Variants in DNAAF11 observed in about 807,000 individuals in gnomAD.
The protein encoded by DNAAF11 is dynein axonemal assembly factor 11, also known as leucine rich repeat containing 6.
DNAAF11 carries 45 observed loss-of-function variants against 60.8 expected under a neutral mutation model. The ratio of observed to expected loss-of-function variants is 0.74; its 90% CI spans 0.58 to 0.95. The LOEUF (loss-of-function observed/expected upper bound fraction) is 0.95, where lower values mean the gene tolerates loss of function less well. DNAAF11 is among the 40% of genes least tolerant of loss of function. The pLI is 0.00. For synonymous variants in DNAAF11, 191 were observed against 183.5 expected (o/e 1.04, Z -0.33); for missense variants, 546 against 546.2 (o/e 1.00, Z 0.00).
At chr8:132,575,291 T>C (rs963351605) in intron 11 of DNAAF11, among the ~76,000 whole-genome samples, 1 of 152,150 alleles carries the variant, frequency 6.6e-6, no homozygotes, top group Non-Finnish European at 1.5e-5. Context: ...AGTTCATCCA[T>C]GTAAAGGACG....
chr8:132,666,587 G>A (rs921188470), intron 1 of DNAAF11, among the ~76,000 whole-genome samples: 2 of 152,130 alleles, frequency 1.3e-5, no homozygotes, highest in South Asian at 2.1e-4. Flanking sequence ...ACCCAGCTGC[G>A]GCTTCAGAAG....
intron 1 of DNAAF11, among the ~76,000 whole-genome samples, chr8:132,673,118 T>C (rs1186317534): frequency 6.6e-6 from 1 of 152,132 alleles, no homozygotes; most frequent in African/African-American, 2.4e-5. Context: ...AGAGGACCAC[T>C]TTCTCCACCC....
chr8:132,641,670 G>C (rs1378528521), intron 3 of DNAAF11, among the ~76,000 whole-genome samples: 5 of 152,208 alleles, frequency 3.3e-5, no homozygotes, highest in Admixed American at 3.3e-4. Context: ...CAACTTTAAA[G>C]ATAATTGAGC....
intron 10 of DNAAF11, among the ~76,000 whole-genome samples, chr8:132,591,050 T>TA (rs1251784524): frequency 6.6e-6 from 1 of 152,220 alleles, no homozygotes; most frequent in African/African-American, 2.4e-5. Context: ...CCCATGTACA[T>TA]AAATTGTATA....
intron 5 of DNAAF11, 148 bp from the exon 6 acceptor site, chr8:132,625,602 C>G: frequency 1.6e-6 from 1 of 625,490 alleles, no homozygotes; most frequent in East Asian, 2.8e-5. Context: ...TTTAACCAGG[C>G]CTGGTTACCC....
the DNAAF11 span, among the ~76,000 whole-genome samples, chr8:132,680,806 G>A: frequency 6.7e-6 from 1 of 149,778 alleles, no homozygotes; most frequent in East Asian, 2.0e-4. Context: ...CCATCAGCAT[G>A]TATTTATTGA....
chr8:132,658,792 T>C (rs1490402745), intron 2 of DNAAF11, among the ~76,000 whole-genome samples: 2 of 152,176 alleles, frequency 1.3e-5, no homozygotes, highest in South Asian at 2.1e-4. Context: ...AGGAGTCATA[T>C]GATAGAAAAG....
chr8:132,581,424 C>T (rs1163054133), intron 11 of DNAAF11, among the ~76,000 whole-genome samples: 14 of 151,988 alleles, frequency 9.2e-5, no homozygotes, highest in African/African-American at 1.7e-4. Flanking sequence ...CCAAGGCAGG[C>T]GGATCACAGG....
At chr8:132,577,275 A>T (rs967417485) in intron 11 of DNAAF11, among the ~76,000 whole-genome samples, 5 of 152,198 alleles carry the variant, frequency 3.3e-5, no homozygotes, top group Non-Finnish European at 5.9e-5. Flanking sequence ...GAATACAAAG[A>T]TGCTAACCTG....
intron 5 of DNAAF11, among the ~76,000 whole-genome samples, chr8:132,627,391 AAAC>A (rs946330783): frequency 2.6e-5 from 4 of 152,180 alleles, no homozygotes; most frequent in Non-Finnish European, 4.4e-5. Context: ...CTGGTTGATG[AAAC>A]AGAGTGAGCT....
chr8:132,644,375 G>A (rs550321798), intron 3 of DNAAF11, among the ~76,000 whole-genome samples: 7 of 152,304 alleles, frequency 4.6e-5, no homozygotes, highest in Admixed American at 2.6e-4. Context: ...GAGGTTTCAA[G>A]ACGGCCAAAT....
intron 11 of DNAAF11, among the ~76,000 whole-genome samples, chr8:132,577,288 G>A (rs1586452028): frequency 6.6e-6 from 1 of 152,174 alleles, no homozygotes; most frequent in Non-Finnish European, 1.5e-5. Context: ...CTAACCTGGG[G>A]TCTTAACTGC....
intron 1 of DNAAF11, among the ~76,000 whole-genome samples, chr8:132,664,639 T>G (rs575351842): frequency 2.0e-3 from 302 of 151,796 alleles, no homozygotes; most frequent in Non-Finnish European, 3.6e-3. Flanking sequence ...TTTTTTTTTT[T>G]TTTTTTGTAA....
intron 7 of DNAAF11, among the ~76,000 whole-genome samples, chr8:132,616,253 G>A (rs866406370): frequency 2.6e-4 from 40 of 152,208 alleles, no homozygotes; most frequent in African/African-American, 9.4e-4. Context: ...TCATGTGAGG[G>A]ACAGTCGTTG....
At chr8:132,595,110 C>T (rs1313119083) in intron 10 of DNAAF11, among the ~76,000 whole-genome samples, 1 of 152,004 alleles carries the variant, frequency 6.6e-6, no homozygotes, top group East Asian at 1.9e-4. Context: ...TATAAATTAC[C>T]CAGTCTTGGG....
intron 5 of DNAAF11, among the ~76,000 whole-genome samples, chr8:132,626,145 G>A (rs909102585): frequency 2.6e-5 from 4 of 151,776 alleles, no homozygotes; most frequent in Non-Finnish European, 1.5e-5. Flanking sequence ...TCCGCCTCTC[G>A]GGTTCACGCC....
chr8:132,667,504 T>C (rs1442573934), intron 1 of DNAAF11, among the ~76,000 whole-genome samples: 1 of 152,246 alleles, frequency 6.6e-6, no homozygotes, highest in Non-Finnish European at 1.5e-5. Flanking sequence ...TAGTACCTAT[T>C]ATGTGGTATA....
intron 10 of DNAAF11, among the ~76,000 whole-genome samples, chr8:132,601,341 C>T (rs1481793523): frequency 6.6e-6 from 1 of 152,088 alleles, no homozygotes; most frequent in African/African-American, 2.4e-5. Context: ...TAAACTAGTT[C>T]AACCATTGTG....
intron 10 of DNAAF11, among the ~76,000 whole-genome samples, chr8:132,589,441 T>C (rs888519331): frequency 6.6e-6 from 1 of 152,204 alleles, no homozygotes. Flanking sequence ...AAGAGTAGTA[T>C]TTTACACACG....
Sources: gnomAD v4.1 joint callset for allele counts (sites outside exome capture counted in the v4.1 genomes callset) on GRCh38, gnomAD v4.1.1 for gene constraint, MANE v1.5 for transcripts, NCBI Gene and HGNC (gene_info 2026-07-23, HGNC 2026-07-21) for gene names.